The following RPS6KC1 variants were observed in gnomAD, a reference collection of about 807,000 sequenced individuals.
RPS6KC1 encodes ribosomal protein S6 kinase C1.
Under a neutral mutation model 103.8 loss-of-function variants are expected in RPS6KC1, and 54 were observed. The observed-to-expected ratio is 0.52, with a 90% CI of 0.42 to 0.65. The LOEUF is 0.65. RPS6KC1 is among the 30% of genes least tolerant of loss of function. RPS6KC1 has a pLI of 0.00. For synonymous variants in RPS6KC1, 439 were observed against 438.7 expected (o/e 1.00, Z -0.01); for missense variants, 1,151 against 1,253.8 (o/e 0.92, Z 1.24).
chr1:213,078,975 G>A (rs191206954), intron 3 of RPS6KC1, among the ~76,000 whole-genome samples: 27 of 152,136 alleles, frequency 1.8e-4, no homozygotes, highest in African/African-American at 6.3e-4. Flanking sequence ...TTATTAATAT[G>A]TATATGCCTT....
chr1:213,642,070 C>G, the RPS6KC1 span, among the ~76,000 whole-genome samples: 4 of 152,060 alleles, frequency 2.6e-5, no homozygotes, highest in Admixed American at 2.6e-4. Context: ...AGCTTTAGAA[C>G]TTCCCTGACT....
the RPS6KC1 span, among the ~76,000 whole-genome samples, chr1:213,618,127 A>G: frequency 6.6e-6 from 1 of 152,186 alleles, no homozygotes; most frequent in Non-Finnish European, 1.5e-5. Flanking sequence ...AAGTTGTTAC[A>G]TTAGGTTATT....
At chr1:213,058,141 G>A (rs939179015) in intron 1 of RPS6KC1, among the ~76,000 whole-genome samples, 2 of 143,504 alleles carry the variant, frequency 1.4e-5, no homozygotes, top group Admixed American at 7.2e-5. Context: ...ATTCGCAGGT[G>A]TGATCATAGT....
At chr1:213,568,301 A>G in the RPS6KC1 span, among the ~76,000 whole-genome samples, 2 of 152,036 alleles carry the variant, frequency 1.3e-5, no homozygotes, top group Admixed American at 6.5e-5. Flanking sequence ...TGCTCTACAG[A>G]TCGCTCTGGG....
At chr1:213,618,219 A>G in the RPS6KC1 span, among the ~76,000 whole-genome samples, 1 of 152,370 alleles carries the variant, frequency 6.6e-6, no homozygotes, top group East Asian at 1.9e-4. Context: ...AATGAACTCT[A>G]CAATGATCCC....
chr1:213,343,787 C>T, the RPS6KC1 span, among the ~76,000 whole-genome samples: 22 of 151,666 alleles, frequency 1.5e-4, no homozygotes, highest in Non-Finnish European at 1.2e-4. Context: ...TCCCCAAAAA[C>T]CTACTGAAAT....
At chr1:213,602,349 T>C in the RPS6KC1 span, among the ~76,000 whole-genome samples, 1 of 148,720 alleles carries the variant, frequency 6.7e-6, no homozygotes, top group African/African-American at 2.5e-5. Flanking sequence ...TTCTCCTGTC[T>C]CAGCCTCCCG....
At chr1:213,381,852 C>T in the RPS6KC1 span, among the ~76,000 whole-genome samples, 1 of 152,284 alleles carries the variant, frequency 6.6e-6, no homozygotes, top group Non-Finnish European at 1.5e-5. Flanking sequence ...AGCCCCCTCG[C>T]GCCTGCAGGA....
At chr1:213,160,183 T>A (rs567824292) in intron 6 of RPS6KC1, among the ~76,000 whole-genome samples, 1 of 152,304 alleles carries the variant, frequency 6.6e-6, no homozygotes, top group South Asian at 2.1e-4. Context: ...GTTAGTGTTC[T>A]CAAAATGGGT....
At chr1:213,768,450 C>T in the RPS6KC1 span, among the ~76,000 whole-genome samples, 2 of 152,078 alleles carry the variant, frequency 1.3e-5, no homozygotes, top group South Asian at 2.1e-4. Context: ...TTATCACAAG[C>T]GCCTATTTAT....
chr1:213,630,936 A>T, the RPS6KC1 span, among the ~76,000 whole-genome samples: 7 of 152,308 alleles, frequency 4.6e-5, no homozygotes, highest in East Asian at 1.2e-3. Context: ...TTCCTCTGGA[A>T]GTTTTGTCTC....
chr1:213,397,655 C>G, the RPS6KC1 span, among the ~76,000 whole-genome samples: 2 of 151,576 alleles, frequency 1.3e-5, no homozygotes, highest in Non-Finnish European at 2.9e-5. Context: ...CAATCAGAAT[C>G]CCGGAAGGCT....
chr1:213,369,384 G>A, the RPS6KC1 span, among the ~76,000 whole-genome samples: 1 of 152,254 alleles, frequency 6.6e-6, no homozygotes, highest in Non-Finnish European at 1.5e-5. Flanking sequence ...ATGGACACAA[G>A]AATATTCTAG....
chr1:213,070,909 G>A (rs1382794584), intron 1 of RPS6KC1, 97 bp from the exon 2 acceptor site: 5 of 755,334 alleles, frequency 6.6e-6, no homozygotes, highest in Non-Finnish European at 1.1e-5. Flanking sequence ...TAAGCAAATT[G>A]AATTTTTCAT....
At chr1:213,764,410 A>G in the RPS6KC1 span, among the ~76,000 whole-genome samples, 3 of 152,144 alleles carry the variant, frequency 2.0e-5, no homozygotes, top group Non-Finnish European at 4.4e-5. Flanking sequence ...AGGGCCCAGG[A>G]TCAGCCTGCT....
At chr1:213,105,652 CAAT>C (rs1185456360) in intron 4 of RPS6KC1, among the ~76,000 whole-genome samples, 1 of 152,106 alleles carries the variant, frequency 6.6e-6, no homozygotes, top group Non-Finnish European at 1.5e-5. Flanking sequence ...TTTATAGTAA[CAAT>C]AACATTTCTG....
chr1:213,728,937 G>GTTTTTTTTTTTTT, the RPS6KC1 span, among the ~76,000 whole-genome samples: 1,056 of 93,326 alleles, frequency 0.011, 248 homozygotes, highest in African/African-American at 0.032. Context: ...GAACATGAGG[G>GTTTTTTTTTTTTT]TTTTTTTTTT....
the RPS6KC1 span, among the ~76,000 whole-genome samples, chr1:213,365,304 C>T: frequency 6.6e-6 from 1 of 152,220 alleles, no homozygotes; most frequent in African/African-American, 2.4e-5. Flanking sequence ...TTTATTCCCT[C>T]TTCTTTCTCT....
At chr1:213,710,164 G>T in the RPS6KC1 span, among the ~76,000 whole-genome samples, 2 of 152,284 alleles carry the variant, frequency 1.3e-5, no homozygotes, top group East Asian at 3.9e-4. Context: ...CTCCATTTTG[G>T]TCTCAAAGAA....
Sources: gnomAD v4.1 joint callset for allele counts (sites outside exome capture counted in the v4.1 genomes callset) on GRCh38, gnomAD v4.1.1 for gene constraint, MANE v1.5 for transcripts, NCBI Gene and HGNC (gene_info 2026-07-23, HGNC 2026-07-21) for gene names.